Variants in TRIM37 observed in about 807,000 individuals in gnomAD.
TRIM37 encodes the protein E3 ubiquitin-protein ligase TRIM37.
TRIM37 carries 80 observed loss-of-function variants against 129.8 expected under a neutral mutation model. The ratio of observed to expected loss-of-function variants is 0.62; its 90% CI spans 0.51 to 0.74. The LOEUF (loss-of-function observed/expected upper bound fraction) is 0.74, where lower values mean the gene tolerates loss of function less well. Ranked by LOEUF, TRIM37 falls within the 30% of genes least tolerant of loss-of-function variation. The pLI is 0.00. For synonymous variants in TRIM37, 389 were observed against 387.1 expected (o/e 1.00, Z -0.06); for missense variants, 1,054 against 1,176.5 (o/e 0.90, Z 1.52).
downstream of TRIM37, chr17:58,980,302 A>T (rs745380937): frequency 3.1e-6 from 5 of 1,614,178 alleles, no homozygotes; most frequent in Non-Finnish European, 1.7e-6. This position sits in a 1 kb window ranked among gnomAD's most constrained non-coding sequence, Gnocchi z 4.7. Context: ...GAGGGCAAGA[A>T]GATGGTGGGG....
chr17:59,017,923 G>A (rs746027891), intron 19 of TRIM37, among the ~76,000 whole-genome samples: 13 of 152,098 alleles, frequency 8.5e-5, no homozygotes, highest in East Asian at 1.9e-4. Flanking sequence ...ACCGCACACC[G>A]CCCGTAAAAT....
At chr17:59,036,481 T>TGC (rs1555656685) in intron 17 of TRIM37, among the ~76,000 whole-genome samples, 38 of 149,864 alleles carry the variant, frequency 2.5e-4, no homozygotes, top group African/African-American at 8.9e-4. Flanking sequence ...TGTGTGTGTG[T>TGC]GTGCACGCGT....
chr17:59,085,883 C>A (rs1423375860), intron 4 of TRIM37, among the ~76,000 whole-genome samples: 1 of 152,096 alleles, frequency 6.6e-6, no homozygotes, highest in Non-Finnish European at 1.5e-5. Flanking sequence ...GAAATTCTGA[C>A]ACATGGATGA....
intron 19 of TRIM37, among the ~76,000 whole-genome samples, chr17:59,020,909 A>C (rs961316869): frequency 6.6e-6 from 1 of 152,246 alleles, no homozygotes; most frequent in African/African-American, 2.4e-5. Context: ...TACGGAAAAC[A>C]GTTTGGAGGT....
chr17:59,104,597 T>C, intron 1 of TRIM37: 1 of 722,214 alleles, frequency 1.4e-6, no homozygotes, highest in Non-Finnish European at 2.5e-6. Context: ...TCACGATGAT[T>C]CTATTCTAAG....
At chr17:59,081,964 A>AAAAAATAATAATAATAAT (rs1568200247) in intron 5 of TRIM37, among the ~76,000 whole-genome samples, 1 of 87,226 alleles carries the variant, frequency 1.1e-5, no homozygotes, top group African/African-American at 5.1e-5. Context: ...AAAAAAAAAA[A>AAAAAATAATAATAATAAT]AATAATAATA....
intron 13 of TRIM37, among the ~76,000 whole-genome samples, chr17:59,055,332 CAAAAAAAAAAA>C (rs34519741): frequency 3.0e-5 from 2 of 65,658 alleles, no homozygotes; most frequent in African/African-American, 6.2e-5. Flanking sequence ...AACTCTGTCT[CAAAAAAAAAAA>C]AAAAAAAAAA....
intron 11 of TRIM37, among the ~76,000 whole-genome samples, chr17:59,061,501 C>T (rs536049504): frequency 9.9e-5 from 15 of 151,890 alleles, no homozygotes; most frequent in Admixed American, 9.2e-4. Flanking sequence ...AGGTAATACC[C>T]TATGCTGAAA....
rs1412262293 is a variant in TRIM37, at chr17:59,079,887, A to G, written c.493-10T>C. On this transcript the variant is annotated splice_polypyrimidine_tract_variant and intron_variant, in intron 6 of 23. Coordinates refer to ENST00000262294, the MANE Select transcript of TRIM37 (RefSeq NM_015294.6). ...CTTCTACATTCCTTTCCTAGAAGAT[A>G]AAGAGGTAAGAATAATTTTAATTGG... 1 of 1,613,448 alleles carries G rather than the reference A, an allele frequency of 6.2e-7. No homozygotes were observed. Among genetic ancestry groups the G allele is most frequent in the Admixed American group, 1.7e-5 (1 of 60,012 alleles).
At chr17:58,979,616 C>G (rs759905697), downstream of TRIM37, among the ~76,000 whole-genome samples, 5 of 152,184 alleles carry the variant, frequency 3.3e-5, no homozygotes, top group Non-Finnish European at 5.9e-5. Context: ...ACTGAATCAA[C>G]CATGTCTTCC....
chr17:59,021,277 C>T (rs935619065), intron 19 of TRIM37, among the ~76,000 whole-genome samples: 2 of 152,054 alleles, frequency 1.3e-5, no homozygotes, highest in Non-Finnish European at 2.9e-5. Context: ...TGCCTGTAGT[C>T]GCAGCTAGCT....
intron 24 of TRIM37, among the ~76,000 whole-genome samples, chr17:58,991,292 T>A (rs965972948): frequency 6.6e-6 from 1 of 151,850 alleles, no homozygotes; most frequent in African/African-American, 2.4e-5. Flanking sequence ...TCCCAGCAAT[T>A]TGGGAGGCGA....
intron 22 of TRIM37, among the ~76,000 whole-genome samples, chr17:59,007,558 C>T (rs1314979400): frequency 6.6e-6 from 1 of 152,090 alleles, no homozygotes; most frequent in Non-Finnish European, 1.5e-5. Flanking sequence ...TGTGCTACTT[C>T]AGCAAGAAGT....
At chr17:58,991,175 C>CAAA (rs71145510) in intron 24 of TRIM37, among the ~76,000 whole-genome samples, 1 of 83,642 alleles carries the variant, frequency 1.2e-5, no homozygotes, top group Non-Finnish European at 2.4e-5. Context: ...AACTCTGTCT[C>CAAA]AAAAAAAAAA....
chr17:59,097,688 C>T lies in TRIM37; in HGVS notation c.124-6348G>A, dbSNP rs567950377. On this transcript the variant is annotated intron_variant, in intron 2 of 23. Transcript: ENST00000262294. ...AGTTGAGGCTGCAGTGAGCCATGATCGCATCACTGCACTCCAGCCTGGGTG... is the reference window on the plus strand; with the variant it reads ...AGTTGAGGCTGCAGTGAGCCATGATTGCATCACTGCACTCCAGCCTGGGTG... Among the ~76,000 whole-genome samples the T allele has an allele frequency of 2.0e-5, 3 of 152,138 alleles. No individual in the cohort carries two copies. The East Asian group carries it at 5.8e-4, about 29-fold the overall frequency.
chr17:59,086,576 G>A (rs1405575333), intron 4 of TRIM37, among the ~76,000 whole-genome samples: 1 of 152,092 alleles, frequency 6.6e-6, no homozygotes, highest in African/African-American at 2.4e-5. Flanking sequence ...CATTGATGAA[G>A]GACACTGAGC....
At position 59,070,954 on chromosome 17, in the gene TRIM37, G is replaced by A. The variant is rs567401183; in HGVS notation, c.685-7C>T. The A allele has an allele frequency of 3.3e-5, 54 of 1,612,682 alleles. No homozygotes were observed. In the South Asian group the frequency reaches 5.6e-4, roughly 17 times the overall value. On this transcript the variant is annotated splice_polypyrimidine_tract_variant and splice_region_variant and intron_variant, in intron 8 of 23. Transcript: ENST00000262294. ...TCTTACTACAAGACCGCAACTGTGT[G>A]AGGAAAAAAATTATCTGAACAAACA... is the stretch of plus-strand genomic sequence containing the variant.
At chr17:59,013,186 C>A (rs2035514460) in intron 21 of TRIM37, among the ~76,000 whole-genome samples, 1 of 152,134 alleles carries the variant, frequency 6.6e-6, no homozygotes. Context: ...CTCTGTCACC[C>A]AGGCTAGAGT....
At chr17:59,098,137 A>T (rs1347067750) in intron 2 of TRIM37, among the ~76,000 whole-genome samples, 3 of 152,236 alleles carry the variant, frequency 2.0e-5, no homozygotes, top group African/African-American at 7.2e-5. Context: ...ATAAACAAAA[A>T]TATTTTATGA....
Sources: gnomAD v4.1 joint callset for allele counts (sites outside exome capture counted in the v4.1 genomes callset) on GRCh38, gnomAD v4.1.1 for gene constraint, Gnocchi (gnomAD v3.1) non-coding constraint, MANE v1.5 for transcripts, NCBI Gene and HGNC (gene_info 2026-07-23, HGNC 2026-07-21) for gene names.